The following TBC1D22A variants were observed in gnomAD, a reference collection of about 807,000 sequenced individuals.
TBC1D22A encodes the protein TBC1 domain family member 22A, also known as putative GTPase activator.
A neutral mutation model predicts 60.2 loss-of-function variants in TBC1D22A; 38 were observed. The observed-to-expected ratio is 0.63, with a 90% CI of 0.49 to 0.83. The LOEUF is 0.83. Among genes scored for constraint, TBC1D22A ranks in the 40% least tolerant of loss-of-function variants. The probability of loss-of-function intolerance (pLI) is 0.00; values close to 1 mark genes in which losing one functional copy is unlikely to be tolerated. For missense variants in TBC1D22A, 628 were observed against 701.0 expected, an observed-to-expected ratio of 0.90 and a Z score of 1.18; for synonymous variants, 302 against 281.7, an observed-to-expected ratio of 1.07 and a Z score of -0.72.
chr22:47,075,268 G>A (rs1467084619), intron 11 of TBC1D22A, among the ~76,000 whole-genome samples: 1 of 151,370 alleles, frequency 6.6e-6, no homozygotes, highest in Non-Finnish European at 1.5e-5. Context: ...GGAGTTTGTG[G>A]GGACATAGAT....
chr22:46,931,842 T>C (rs2071369382), intron 8 of TBC1D22A, among the ~76,000 whole-genome samples: 1 of 152,228 alleles, frequency 6.6e-6, no homozygotes, highest in Non-Finnish European at 1.5e-5. Flanking sequence ...TGGCTGCTGT[T>C]GCATGTTATG....
At chr22:46,952,829 C>G (rs1345576028) in intron 8 of TBC1D22A, among the ~76,000 whole-genome samples, 1 of 152,162 alleles carries the variant, frequency 6.6e-6, no homozygotes, top group East Asian at 1.9e-4. Flanking sequence ...CCCTGGTCAC[C>G]CTCTCCTGTC....
rs540110674 is a variant in TBC1D22A at position 46,871,807 on chromosome 22, G to A, written c.638-6846G>A. ...GAAGAAGAACAAAAACCGAGTAAAA[G>A]AAGAGAAACAATTTAAGGGTGAAAA... On this transcript the variant is annotated intron_variant, in intron 4 of 12. Transcript: ENST00000337137. Among the ~76,000 whole-genome samples, 4 of 152,210 alleles carry A rather than the reference G, an allele frequency of 2.6e-5. No individual in the cohort carries two copies. In the South Asian group the frequency reaches 6.2e-4, roughly 24 times the overall value.
intron 9 of TBC1D22A, among the ~76,000 whole-genome samples, chr22:46,994,007 T>C (rs2075036819): frequency 6.6e-6 from 1 of 152,232 alleles, no homozygotes; most frequent in Admixed American, 6.5e-5. Context: ...GCCCCTAGCC[T>C]GAAGCCAGAA....
rs930591143 is a variant in TBC1D22A at position 47,030,361 on chromosome 22, A to G, written c.1202-6710A>G. On this transcript the variant is annotated intron_variant, in intron 10 of 12. Transcript: ENST00000337137. The stretch of plus-strand genomic sequence containing the variant: ...GTGTGTTTTATGCCAAGTCAATGGG[A>G]TACGTGTTTTTTCCATTTTAGCCTA... 5.9e-5 allele frequency among the ~76,000 whole-genome samples: 9 copies of G among 152,238 alleles called. No homozygotes were observed. In the South Asian group the frequency reaches 6.2e-4, roughly 11 times the overall value.
intron 1 of TBC1D22A, chr22:46,789,207 G>A (rs1331939516): frequency 9.8e-6 from 2 of 203,470 alleles, no homozygotes; most frequent in Non-Finnish European, 2.1e-5. Flanking sequence ...CTCACTACAA[G>A]CTCTGCCTCC....
At chr22:46,818,654 A>G (rs2085701136) in intron 4 of TBC1D22A, among the ~76,000 whole-genome samples, 2 of 152,096 alleles carry the variant, frequency 1.3e-5, no homozygotes, top group South Asian at 4.1e-4. Context: ...TGATTACTGT[A>G]GCCTTGTAGT....
chr22:47,046,274 ACCCCACTGTGCAG>A (rs1180604242), intron 11 of TBC1D22A, among the ~76,000 whole-genome samples: 2 of 151,998 alleles, frequency 1.3e-5, no homozygotes, highest in African/African-American at 2.4e-5. Context: ...TGGTCCCTGC[ACCCCACTGTGCAG>A]GCTTCCCTCT....
intron 8 of TBC1D22A, among the ~76,000 whole-genome samples, chr22:46,941,834 A>AT (rs370457997): frequency 1.6e-5 from 2 of 121,800 alleles, no homozygotes; most frequent in Non-Finnish European, 3.3e-5. Context: ...TATATAGAAT[A>AT]ATAGAATATA....
intron 11 of TBC1D22A, among the ~76,000 whole-genome samples, chr22:47,096,868 C>T (rs1270304145): frequency 6.6e-6 from 1 of 152,160 alleles, no homozygotes. Context: ...CCTTTGTGTC[C>T]TGAAGTGTTG....
chr22:46,920,722 A>G (rs2070703816), intron 8 of TBC1D22A, among the ~76,000 whole-genome samples: 1 of 152,190 alleles, frequency 6.6e-6, no homozygotes, highest in Non-Finnish European at 1.5e-5. Flanking sequence ...TTGTTTAAAC[A>G]CTGAAACAAT....
chr22:47,141,928 A>G lies in TBC1D22A; in HGVS notation c.1425+30325A>G, dbSNP rs75894007. Among the ~76,000 whole-genome samples the G allele has an allele frequency of 3.2e-3, 495 of 152,344 alleles. 2 individuals carry two copies. Among genetic ancestry groups the G allele is most frequent in the Middle Eastern group, 3.4e-3 (1 of 294 alleles). On this transcript the variant is annotated intron_variant, in intron 12 of 12. Coordinates refer to ENST00000337137, the MANE Select transcript of TBC1D22A (RefSeq NM_014346.5). Reference sequence around the variant, plus strand: ...CTGTTCTACCAAATGGTTGTCTGGCATGAAACGTATTTGGATTTTTATGGA... The same window carrying G: ...CTGTTCTACCAAATGGTTGTCTGGCGTGAAACGTATTTGGATTTTTATGGA...
chr22:46,946,702 C>G (rs2072568173), intron 8 of TBC1D22A, among the ~76,000 whole-genome samples: 1 of 152,206 alleles, frequency 6.6e-6, no homozygotes, highest in Admixed American at 6.5e-5. Context: ...CTGTTTCATT[C>G]ATTCAGTCAC....
intron 12 of TBC1D22A, among the ~76,000 whole-genome samples, chr22:47,120,223 A>C (rs1224760362): frequency 6.6e-6 from 1 of 152,186 alleles, no homozygotes; most frequent in Admixed American, 6.5e-5. Context: ...GAAAAGAAAA[A>C]AACTTCTGCC....
At chr22:47,037,524 C>T (rs139280110) in intron 11 of TBC1D22A, among the ~76,000 whole-genome samples, 97 of 152,268 alleles carry the variant, frequency 6.4e-4, no homozygotes, top group Non-Finnish European at 5.3e-4. Flanking sequence ...CTTAGCTACT[C>T]AGAGGCTGAG....
intron 10 of TBC1D22A, among the ~76,000 whole-genome samples, chr22:47,030,972 C>T (rs1204699702): frequency 2.6e-5 from 4 of 152,198 alleles, no homozygotes; most frequent in African/African-American, 7.2e-5. Flanking sequence ...AGAGAAGCCA[C>T]GGAGTCGTGC....
intron 10 of TBC1D22A, among the ~76,000 whole-genome samples, chr22:47,001,302 T>TC (rs202151349): frequency 7.9e-5 from 6 of 75,596 alleles, no homozygotes; most frequent in East Asian, 8.0e-4. Flanking sequence ...TTTCTTTCTT[T>TC]TTTTTTTTTT....
At chr22:47,136,408 G>T (rs1372493254) in intron 12 of TBC1D22A, among the ~76,000 whole-genome samples, 2 of 152,234 alleles carry the variant, frequency 1.3e-5, no homozygotes, top group Non-Finnish European at 1.5e-5. Flanking sequence ...CCAGCTCCAC[G>T]CTTCGACCAA....
intron 11 of TBC1D22A, among the ~76,000 whole-genome samples, chr22:47,063,039 A>G (rs1162775659): frequency 6.6e-6 from 1 of 152,172 alleles, no homozygotes; most frequent in Non-Finnish European, 1.5e-5. Context: ...GAAGGAGGCC[A>G]TCTGAAGGCA....
Sources: gnomAD v4.1 joint callset for allele counts (sites outside exome capture counted in the v4.1 genomes callset) on GRCh38, gnomAD v4.1.1 for gene constraint, MANE v1.5 for transcripts, NCBI Gene and HGNC (gene_info 2026-07-23, HGNC 2026-07-21) for gene names.